NDUFV3: variants seen among roughly 807,000 people sequenced by gnomAD.
NDUFV3 encodes the protein NADH:ubiquinone oxidoreductase subunit V3.
In NDUFV3, 44 loss-of-function variants were observed where a neutral mutation model predicts 37.5. The observed-to-expected ratio is 1.17, with a 90% CI of 0.92 to 1.51. The LOEUF (loss-of-function observed/expected upper bound fraction) is 1.51, where lower values mean the gene tolerates loss of function less well. NDUFV3 is among the 40% of genes most tolerant of loss of function. NDUFV3 has a pLI of 0.00. For missense variants in NDUFV3, 580 were observed against 580.4 expected (o/e 1.00, Z 0.01); for synonymous variants, 235 against 239.3 (o/e 0.98, Z 0.17).
chr21:42,909,034 T>G lies in NDUFV3; in HGVS notation c.*13T>G. On this transcript the variant is annotated 3_prime_UTR_variant, in exon 4 of 4. Transcript: ENST00000354250. ...ACCTCGACACTGAGGGCCCTCGGTG[T>G]GAAGATGAACCTTCCACCGTCTTCA... 6.2e-7 allele frequency: 1 copy of G among 1,612,202 alleles called. No individual in the cohort carries two copies. Among genetic ancestry groups the G allele is most frequent in the Non-Finnish European group, 8.5e-7 (1 of 1,179,504 alleles).
In NDUFV3 at chr21:42,896,942, G is replaced by GC. The variant is rs768331746; in HGVS notation, c.67dup (p.Gln23ProfsTer20). 38 of 1,613,586 alleles carry GC rather than the reference G, an allele frequency of 2.4e-5. No individual in the cohort carries two copies. The African/African-American group carries it at 4.3e-4, about 18-fold the overall frequency. On this transcript the variant is annotated frameshift_variant, in exon 2 of 4. Coordinates refer to ENST00000354250, the MANE Select transcript of NDUFV3 (RefSeq NM_021075.4). LOFTEE classifies it high-confidence loss of function. ...CTTTTGTCAGACTATGCTCCAGGAA[G>GC]CCCAGGTGTTTCGAGGACTTGCTTC... is the stretch of plus-strand genomic sequence containing the variant.
chr21:42,893,540 A>G (rs937482823), intron 1 of NDUFV3, among the ~76,000 whole-genome samples, 159 bp downstream of exon 1: 2 of 152,172 alleles, frequency 1.3e-5, no homozygotes, highest in African/African-American at 4.8e-5. Flanking sequence ...ACTGACCGCC[A>G]CGGGGCCAGG....
In NDUFV3 at chr21:42,894,335, T is replaced by TATATATAATATATAA. The variant is rs2058672608; in HGVS notation, c.48+961_48+962insATATATAAATATATA. On this transcript the variant is annotated intron_variant, in intron 1 of 3. Transcript: ENST00000354250. ...TGTATATATATATATAAATACATAT[T>TATATATAATATATAA]ATATATATTATATATAAATATATAT... 7.7e-5 allele frequency among the ~76,000 whole-genome samples: 3 copies of TATATATAATATATAA among 39,126 alleles called. No homozygotes were observed. In the African/African-American group the frequency reaches 7.7e-4, roughly 10 times the overall value. 25.7% of individuals were successfully genotyped at this position (39,126 alleles called of 152,430 possible). A position where few individuals can be genotyped will look rare whatever the true frequency, so the allele number is the denominator to read the frequency against.
At chr21:42,904,318 G>A (rs781014108) in intron 3 of NDUFV3, 42 bp downstream of exon 3, 3 of 1,556,792 alleles carry the variant, frequency 1.9e-6, no homozygotes, top group Non-Finnish European at 8.7e-7. Context: ...CTGTCCCTTA[G>A]GGTAGTGAGG....
At position 42,897,198 on chromosome 21, in the gene NDUFV3, A is replaced by G. The variant is rs2058696305; in HGVS notation, c.169+151A>G. The G allele has an allele frequency of 1.4e-5, 13 of 911,960 alleles. 1 individual carries two copies. The highest frequency in any genetic ancestry group is 6.4e-5 in the Admixed American group (3 of 47,054). The allele number at this position is 911,960 out of a possible 1,614,324, so 56.5% of individuals were successfully genotyped here. On this transcript the variant is annotated intron_variant, in intron 2 of 3. Transcript: ENST00000354250. ...CCAGATTATACAAGACACAAGATCT[A>G]TAACAGATTTTAGACCAAACATTTC... is the stretch of plus-strand genomic sequence containing the variant.
In NDUFV3 at chr21:42,908,142, ACTAAAAATACAAAAAT is replaced by A. The variant is rs528769086; in HGVS notation, c.1265-721_1265-706del. Among the ~76,000 whole-genome samples, 560 of 151,862 alleles carry A rather than the reference ACTAAAAATACAAAAAT, an allele frequency of 3.7e-3. 1 individual carries two copies. The highest frequency in any genetic ancestry group is 6.4e-3 in the Non-Finnish European group (437 of 67,904). On this transcript the variant is annotated intron_variant, in intron 3 of 3. Transcript: ENST00000354250. Reference sequence around the variant, plus strand: ...GCCAACATGGTGAAACCCCGTCTCTACTAAAAATACAAAAATTAGCCAGGCGTGGTGGCAGACGCCT... The same window carrying A: ...GCCAACATGGTGAAACCCCGTCTCTATAGCCAGGCGTGGTGGCAGACGCCT...
rs376408645 is a variant in NDUFV3 at position 42,899,198 on chromosome 21, GCA to G, written c.169+2157_169+2158del. ...CTGCAGTGGGATACACGTAGCTACTGCACACACTGCAGAGAGCTTTCAGGTGG... is the reference window on the plus strand; with the variant it reads ...CTGCAGTGGGATACACGTAGCTACTGCACACTGCAGAGAGCTTTCAGGTGG... On this transcript the variant is annotated intron_variant, in intron 2 of 3. Transcript: ENST00000354250. 1.4e-4 allele frequency among the ~76,000 whole-genome samples: 22 copies of G among 152,240 alleles called. 1 individual carries two copies. In the South Asian group the frequency reaches 2.1e-3, roughly 14 times the overall value.
rs181427516 is a variant in NDUFV3 at position 42,906,783 on chromosome 21, T to C, written c.1265-2081T>C. ...TTAGATCAGAGTTTTGTAACCCACG[T>C]CTTGGTCAGTTATCACCCTCCCTAT... On this transcript the variant is annotated intron_variant, in intron 3 of 3. Coordinates refer to ENST00000354250, the MANE Select transcript of NDUFV3 (RefSeq NM_021075.4). The C allele has an allele frequency of 6.3e-4, 310 of 490,420 alleles. 5 individuals are homozygous for C. In the East Asian group the frequency reaches 0.01, roughly 16 times the overall value. 30.4% of individuals were successfully genotyped at this position (490,420 alleles called of 1,614,324 possible). A position where few individuals can be genotyped will look rare whatever the true frequency, so the allele number is the denominator to read the frequency against.
Position 42,897,009 on chromosome 21 carries a change from G to C in NDUFV3, c.131G>C (p.Gly44Ala). ...GCGGAATCAGGGAAGAGTGAAAAGG[G>C]TCAGCCACAGAATTCCAAGAAGCAA... ...LSAESGKSEK[G>A]QPQNSKKQSP... The change falls in exon 2 of 4, where the codon GGT (glycine) becomes GCT (alanine). Residue 44 changes from glycine to alanine, a missense_variant. Transcript: ENST00000354250. The C allele has an allele frequency of 1.9e-6, 3 of 1,614,064 alleles. No individual in the cohort carries two copies. In the South Asian group the frequency reaches 3.3e-5, roughly 18 times the overall value.
intron 1 of NDUFV3, among the ~76,000 whole-genome samples, chr21:42,896,672 C>G (rs1568855777): frequency 6.6e-6 from 1 of 151,862 alleles, no homozygotes; most frequent in South Asian, 2.1e-4. Context: ...GCCACGTAGC[C>G]AGATCTCGTC....
chr21:42,904,796 CT>C (rs58460040), intron 3 of NDUFV3, among the ~76,000 whole-genome samples: 20,360 of 141,564 alleles, frequency 0.14, 1,363 homozygotes, highest in East Asian at 0.28. Context: ...TAACCTTCAT[CT>C]TTTTTTTTTT....
At position 42,903,829 on chromosome 21, in the gene NDUFV3, A is replaced by G; in HGVS notation, c.817A>G (p.Arg273Gly). The change falls in exon 3 of 4, where the codon AGA becomes GGA. Residue 273 changes from arginine (R) to glycine (G), a missense_variant. By Grantham distance (125) the Arg-to-Gly change is moderately radical. Coordinates refer to ENST00000354250, the MANE Select transcript of NDUFV3 (RefSeq NM_021075.4). ...LKEKQLQKTF[R>G]LNEIDKESQK... ...GGAAAAACAATTGCAGAAAACATTTAGATTAAATGAAATAGATAAAGAAAG... is the reference window on the plus strand; with the variant it reads ...GGAAAAACAATTGCAGAAAACATTTGGATTAAATGAAATAGATAAAGAAAG... 1 of 1,613,848 alleles carries G rather than the reference A, an allele frequency of 6.2e-7. No homozygotes were observed.
intron 3 of NDUFV3, 124 bp downstream of exon 3, chr21:42,904,400 C>T (rs2058732782): frequency 7.7e-7 from 1 of 1,305,964 alleles, no homozygotes; most frequent in South Asian, 1.3e-5. Flanking sequence ...GAAATATGGC[C>T]TGTAACGCTG....
Position 42,910,118 on chromosome 21 carries a change from G to A in NDUFV3, c.*1097G>A, listed in dbSNP as rs1300406859. 1 of 151,968 alleles carries A rather than the reference G, an allele frequency of 6.6e-6. No individual in the cohort carries two copies. Among genetic ancestry groups the A allele is most frequent in the Non-Finnish European group, 1.5e-5 (1 of 68,022 alleles). The allele number at this position is 151,968 out of a possible 1,614,324, so 9.4% of individuals were successfully genotyped here. ...AGGCGGGTGGAGCACCTGAGGTCAG[G>A]AGTTGAGACCGGCCTGGCCAACATA... On this transcript the variant is annotated 3_prime_UTR_variant, in exon 4 of 4. Coordinates refer to ENST00000354250, the MANE Select transcript of NDUFV3 (RefSeq NM_021075.4).
intron 2 of NDUFV3, 74 bp from the exon 3 acceptor site, chr21:42,903,108 A>G: frequency 6.3e-7 from 1 of 1,577,574 alleles, no homozygotes; most frequent in African/African-American, 1.4e-5. Flanking sequence ...GTAATGTGTC[A>G]TGAAATGTCT....
chr21:42,893,451 C>A, intron 1 of NDUFV3, 70 bp downstream of exon 1: 1 of 1,508,776 alleles, frequency 6.6e-7, no homozygotes, highest in Non-Finnish European at 8.9e-7. Context: ...TGAGGGGGCG[C>A]GGTGCTGGTC....
At chr21:42,897,125 T>A in intron 2 of NDUFV3, 78 bp downstream of exon 2, 3 of 1,503,352 alleles carry the variant, frequency 2.0e-6, no homozygotes, top group Non-Finnish European at 1.8e-6. Flanking sequence ...AGCACGACAG[T>A]GAGTTTTACT....
At chr21:42,894,825 G>A (rs2058683809) in intron 1 of NDUFV3, among the ~76,000 whole-genome samples, 1 of 151,532 alleles carries the variant, frequency 6.6e-6, no homozygotes, top group Admixed American at 6.6e-5. Context: ...GAACATACAC[G>A]TTTTCATGTT....
intron 2 of NDUFV3, among the ~76,000 whole-genome samples, chr21:42,902,152 G>A (rs539067240): frequency 1.8e-4 from 27 of 152,160 alleles, no homozygotes; most frequent in African/African-American, 5.5e-4. Context: ...AGGTTGCGGT[G>A]ACTGGAGATC....
Sources: allele counts gnomAD v4.1 joint callset (sites outside exome capture counted in the v4.1 genomes callset), GRCh38; gene constraint gnomAD v4.1.1; transcripts MANE v1.5; gene names NCBI Gene and HGNC (gene_info 2026-07-23, HGNC 2026-07-21).